Variants in ESYT2 observed in about 807,000 individuals in gnomAD.
ESYT2 encodes extended synaptotagmin 2.
ESYT2 carries 54 observed loss-of-function variants against 107.2 expected under a neutral mutation model. The observed-to-expected ratio is 0.50, with a 90% confidence interval of 0.40 to 0.63. The LOEUF (loss-of-function observed/expected upper bound fraction) is 0.63. Among genes scored for constraint, ESYT2 ranks in the 30% least tolerant of loss-of-function variants. ESYT2 has a pLI of 0.00. For synonymous variants in ESYT2, 491 were observed against 434.1 expected (o/e 1.13, Z -1.63); for missense variants, 1,020 against 1,094.5 (o/e 0.93, Z 0.96).
chr7:158,807,205 C>T (rs911080540), intron 1 of ESYT2, among the ~76,000 whole-genome samples: 1 of 145,904 alleles, frequency 6.9e-6, no homozygotes, highest in African/African-American at 2.6e-5. Flanking sequence ...GAGCCGATAT[C>T]GCACCACTGC....
intron 16 of ESYT2, among the ~76,000 whole-genome samples, chr7:158,744,902 T>C (rs963059588): frequency 2.6e-5 from 4 of 152,216 alleles, no homozygotes; most frequent in Non-Finnish European, 5.9e-5. Flanking sequence ...GAAATAACTA[T>C]GACAATGTTT....
intron 15 of ESYT2, among the ~76,000 whole-genome samples, chr7:158,748,910 T>G (rs924165647): frequency 6.6e-6 from 1 of 151,360 alleles, no homozygotes; most frequent in Non-Finnish European, 1.5e-5. Flanking sequence ...GTAAGGAAAG[T>G]AGAACATATT....
In ESYT2 at chr7:158,782,271, GAAC is replaced by G. The variant is rs1274904036; in HGVS notation, c.747+5730_747+5732del. Among the ~76,000 whole-genome samples, 934 of 130,172 alleles carry G rather than the reference GAAC, an allele frequency of 7.2e-3. 16 individuals are homozygous for G. The highest frequency in any genetic ancestry group is 0.023 in the African/African-American group (830 of 35,568). The allele number at this position is 130,172 out of a possible 152,430, so 85.4% of individuals were successfully genotyped here. A position where few individuals can be genotyped will look rare whatever the true frequency, so the allele number is the denominator to read the frequency against. On this transcript the variant is annotated intron_variant, in intron 6 of 22. Coordinates refer to ENST00000275418, the MANE Select transcript of ESYT2 (RefSeq NM_001367773.1). ...AATGAGTGAACAAGTATGAGTGTGAGAACAAAATGTGAGAAATGTGTGAAACAA... is the reference window on the plus strand; with the variant it reads ...AATGAGTGAACAAGTATGAGTGTGAGAAAATGTGAGAAATGTGTGAAACAA...
At chr7:158,775,807 G>T (rs1424488812) in intron 6 of ESYT2, among the ~76,000 whole-genome samples, 2 of 152,096 alleles carry the variant, frequency 1.3e-5, no homozygotes, top group Non-Finnish European at 2.9e-5. Flanking sequence ...GTTTTCAATG[G>T]CATCTAGGAT....
At chr7:158,819,009 A>C (rs575976469) in intron 1 of ESYT2, among the ~76,000 whole-genome samples, 41 of 152,368 alleles carry the variant, frequency 2.7e-4, no homozygotes, top group African/African-American at 9.4e-4. Flanking sequence ...GGAACCTCAA[A>C]GTAGCCATTA....
chr7:158,749,550 A>G (rs1471161293), intron 15 of ESYT2, 99 bp downstream of exon 15: 3 of 1,100,072 alleles, frequency 2.7e-6, no homozygotes, highest in Non-Finnish European at 4.1e-6. Context: ...CTATCACACA[A>G]CTGAATGTAT....
At chr7:158,798,610 C>T (rs1196488130) in intron 2 of ESYT2, among the ~76,000 whole-genome samples, 1 of 123,366 alleles carries the variant, frequency 8.1e-6, no homozygotes, top group Non-Finnish European at 1.6e-5. Flanking sequence ...CATGCCATTG[C>T]ACTCCAGCCT....
At chr7:158,770,770 C>T (rs1294502372) in intron 7 of ESYT2, among the ~76,000 whole-genome samples, 1 of 152,172 alleles carries the variant, frequency 6.6e-6, no homozygotes, top group Non-Finnish European at 1.5e-5. Flanking sequence ...CTGCCTCGGC[C>T]TCCCAAAGTG....
rs1221679269 is a variant in ESYT2 at position 158,804,404 on chromosome 7, T to C, written c.331-5332A>G. Among the ~76,000 whole-genome samples, 385 of 87,974 alleles carry C rather than the reference T, an allele frequency of 4.4e-3. 3 individuals are homozygous for C. Among genetic ancestry groups the C allele is most frequent in the Middle Eastern group, 0.018 (2 of 112 alleles). 57.7% of individuals were successfully genotyped at this position (87,974 alleles called of 152,430 possible). On this transcript the variant is annotated intron_variant, in intron 1 of 22. Coordinates refer to ENST00000275418, the MANE Select transcript of ESYT2 (RefSeq NM_001367773.1). The stretch of plus-strand genomic sequence containing the variant: ...TGAGGCGAGTGACAAACCCAAACTG[T>C]TGAGAAAAGTGAGGCACGTGACAAA...
intron 7 of ESYT2, among the ~76,000 whole-genome samples, chr7:158,768,908 G>A (rs2129472397): frequency 6.6e-6 from 1 of 152,032 alleles, no homozygotes; most frequent in Middle Eastern, 3.4e-3. Context: ...TATTCTTTAG[G>A]GTAAACGTGA....
intron 8 of ESYT2, among the ~76,000 whole-genome samples, chr7:158,765,136 G>A (rs1211262471): frequency 2.0e-5 from 3 of 152,026 alleles, no homozygotes; most frequent in African/African-American, 7.2e-5. Context: ...ACAGAGACAC[G>A]AGGACAGACA....
chr7:158,743,675 T>C lies in ESYT2; in HGVS notation c.1648A>G (p.Arg550Gly), dbSNP rs1201018742. The part of the protein sequence containing the change: ...PKRQDLEVEV[R>G]DEQHQCSLGN... ...AGGGAACACTGGTGCTGCTCGTCTC[T>C]GACCTGCAAAACACAGGGTGGAAAC... Residue 550 changes from arginine (R) to glycine (G), a missense_variant, in exon 17 of 23, where the codon AGA becomes GGA. Transcript: ENST00000275418. 1.9e-6 allele frequency: 3 copies of C among 1,607,872 alleles called. No homozygotes were observed. Among genetic ancestry groups the C allele is most frequent in the Non-Finnish European group, 1.7e-6 (2 of 1,178,414 alleles).
chr7:158,804,822 T>C (rs1471004204), intron 1 of ESYT2, among the ~76,000 whole-genome samples: 2 of 151,858 alleles, frequency 1.3e-5, no homozygotes, highest in Non-Finnish European at 2.9e-5. Flanking sequence ...AAACACAAGC[T>C]GCCGAGAAGG....
chr7:158,816,967 G>C (rs1563040163), intron 1 of ESYT2, among the ~76,000 whole-genome samples: 1 of 152,208 alleles, frequency 6.6e-6, no homozygotes, highest in Admixed American at 6.5e-5. Context: ...TTAAAGATTT[G>C]TAGCACAAAT....
At chr7:158,743,346 C>G (rs1292534116) in intron 17 of ESYT2, among the ~76,000 whole-genome samples, 183 bp downstream of exon 17, 1 of 152,178 alleles carries the variant, frequency 6.6e-6, no homozygotes, top group African/African-American at 2.4e-5. Context: ...CCTTTGTCTT[C>G]TCCCCGGAAC....
chr7:158,743,443 C>A (rs902733117), intron 17 of ESYT2, 86 bp downstream of exon 17: 1 of 1,517,696 alleles, frequency 6.6e-7, no homozygotes, highest in Admixed American at 2.3e-5. Flanking sequence ...CTTTCTTCAC[C>A]GGCCTCATGC....
intron 15 of ESYT2, 119 bp downstream of exon 15, chr7:158,749,530 G>T: frequency 1.2e-6 from 1 of 849,488 alleles, no homozygotes; most frequent in Non-Finnish European, 1.9e-6. Flanking sequence ...CCCTGGTCTC[G>T]ATGCCCACGC....
At position 158,736,186 on chromosome 7, in the gene ESYT2, G is replaced by A. The variant is rs552469473; in HGVS notation, c.2400-578C>T. On this transcript the variant is annotated intron_variant, in intron 20 of 22. Coordinates refer to ENST00000275418, the MANE Select transcript of ESYT2 (RefSeq NM_001367773.1). Reference sequence around the variant, plus strand: ...TGGGGGGCAAGTGGAGTCTCCAGACGCTTAAATGCCTCGGATGGGTAGGAG... The same window carrying A: ...TGGGGGGCAAGTGGAGTCTCCAGACACTTAAATGCCTCGGATGGGTAGGAG... 4.1e-5 allele frequency among the ~76,000 whole-genome samples: 6 copies of A among 147,516 alleles called. No individual in the cohort carries two copies. In the South Asian group the frequency reaches 6.5e-4, roughly 16 times the overall value.
At chr7:158,781,471 G>A (rs1031407436) in intron 6 of ESYT2, among the ~76,000 whole-genome samples, 29 of 150,916 alleles carry the variant, frequency 1.9e-4, no homozygotes, top group Non-Finnish European at 3.9e-4. Flanking sequence ...CAAAGTGTGA[G>A]AGGTGTGAGT....
Sources: gnomAD v4.1 joint callset for allele counts (sites outside exome capture counted in the v4.1 genomes callset) on GRCh38, gnomAD v4.1.1 for gene constraint, MANE v1.5 for transcripts, NCBI Gene and HGNC (gene_info 2026-07-23, HGNC 2026-07-21) for gene names.